DCTN1: variants seen among roughly 807,000 people sequenced by gnomAD.
DCTN1 encodes 150 kDa dynein-associated polypeptide.
DCTN1 carries 61 observed loss-of-function variants against 161.2 expected under a neutral mutation model. That is an observed-to-expected ratio of 0.38 (90% CI 0.31 to 0.47). DCTN1 has a LOEUF of 0.47. DCTN1 is among the 20% of genes least tolerant of loss of function. The pLI is 0.99. For missense variants in DCTN1, 1,404 were observed against 1,623.7 expected (o/e 0.86, Z 2.33); for synonymous variants, 653 against 632.4 (o/e 1.03, Z -0.49).
In DCTN1 at chr2:74,370,939, C is replaced by G; in HGVS notation, c.843+40G>C. On this transcript the variant is annotated intron_variant, in intron 9 of 31. Transcript: ENST00000628224. The surrounding 1 kb of genome is among the most constrained non-coding windows in gnomAD (Gnocchi z 4.4). ...TAGTTTCCAGCATGCTTCCTTAGGTCTCAGGCTGCCCCAGCCACCCCCTTC... is the reference window on the plus strand; with the variant it reads ...TAGTTTCCAGCATGCTTCCTTAGGTGTCAGGCTGCCCCAGCCACCCCCTTC... 6.2e-7 allele frequency: 1 copy of G among 1,613,206 alleles called. No homozygotes were observed.
Position 74,380,218 on chromosome 2 carries a change from T to G in DCTN1, c.-181A>C. On this transcript the variant is annotated 5_prime_UTR_variant, in exon 1 of 32. Coordinates refer to ENST00000628224, the MANE Select transcript of DCTN1 (RefSeq NM_004082.5). ...CCTACACGGGTAGGGGTGGGGGCAG[T>G]GATGGGGGCTGAGGAGCAAGTCCCC... 1.5e-6 allele frequency: 1 copy of G among 688,480 alleles called. No homozygotes were observed. The highest frequency in any genetic ancestry group is 2.6e-6 in the Non-Finnish European group (1 of 381,510). The allele number at this position is 688,480 out of a possible 1,614,324, so 42.6% of individuals were successfully genotyped here. A position where few individuals can be genotyped will look rare whatever the true frequency, so the allele number is the denominator to read the frequency against.
At chr2:74,379,433 G>A (rs1675407327) in intron 1 of DCTN1, among the ~76,000 whole-genome samples, 2 of 152,170 alleles carry the variant, frequency 1.3e-5, no homozygotes, top group Admixed American at 6.5e-5. Context: ...GCTCATCCAG[G>A]AAGGTGAGGA....
chr2:74,374,815 C>A, intron 5 of DCTN1: 1 of 947,052 alleles, frequency 1.1e-6, no homozygotes. Flanking sequence ...GCTTGTCCTG[C>A]TTCTTTCTCC....
intron 26 of DCTN1, 50 bp from the exon 27 acceptor site, chr2:74,363,678 T>TA: frequency 6.2e-7 from 1 of 1,611,342 alleles, no homozygotes; most frequent in African/African-American, 1.3e-5. Context: ...AGAGAGGAGT[T>TA]AGGTGATTTG....
rs1236101222 is a variant in DCTN1, at chr2:74,370,075, T to C, written c.1288-6A>G. 6.2e-7 allele frequency: 1 copy of C among 1,613,982 alleles called. No individual in the cohort carries two copies. The highest frequency in any genetic ancestry group is 8.5e-7 in the Non-Finnish European group (1 of 1,180,002). On this transcript the variant is annotated splice_polypyrimidine_tract_variant and splice_region_variant and intron_variant, in intron 12 of 31. Coordinates refer to ENST00000628224, the MANE Select transcript of DCTN1 (RefSeq NM_004082.5). The surrounding 1 kb of genome is among the most constrained non-coding windows in gnomAD (Gnocchi z 4.4). ...GCACCCAGAGCAGCATCCACCTGTG[T>C]TACGGGGAGGATAGGGAGAAGGGCT... is the stretch of plus-strand genomic sequence containing the variant.
intron 6 of DCTN1, among the ~76,000 whole-genome samples, chr2:74,373,619 C>T (rs1408715023): frequency 1.3e-5 from 2 of 152,194 alleles, no homozygotes; most frequent in Non-Finnish European, 2.9e-5. Flanking sequence ...GTAACCCCAC[C>T]CAGCTGTAGG....
At position 74,391,782 on chromosome 2, in the gene DCTN1, GCGCCTCCGTAC is replaced by G; in HGVS notation, c.-19+1_-19+11del. ...GGCGGAGCAGACGGTTGGCAGAGTC[GCGCCTCCGTAC>G]CTGCACTGTGAGGGGCTCCGCGCCC... On this transcript the variant is annotated splice_donor_variant and splice_donor_5th_base_variant and intron_variant, in intron 1 of 27. Transcript: ENST00000409240. LOFTEE classifies it low-confidence loss of function (5UTR_SPLICE). 1 of 453,616 alleles carries G rather than the reference GCGCCTCCGTAC, an allele frequency of 2.2e-6. No individual in the cohort carries two copies. Among genetic ancestry groups the G allele is most frequent in the East Asian group, 7.0e-5 (1 of 14,348 alleles). The allele number at this position is 453,616 out of a possible 1,614,324, so 28.1% of individuals were successfully genotyped here.
rs13429423 is a variant in DCTN1 at position 74,369,194 on chromosome 2, T to C, written c.1605A>G (p.Thr535=). Residue 535 remains threonine, a synonymous_variant, in exon 15 of 32, where the codon ACA becomes ACG. Transcript: ENST00000628224. The surrounding 1 kb of genome is among the most constrained non-coding windows in gnomAD (Gnocchi z 4.9). ...TCTCCACAGATGCTTCCTGCTGGTT[T>C]GTCAGTTCCCGATTCACATCCTAGG... ...AHLQDVNREL[T]NQQEASVERQ... 7.1e-3 allele frequency: 11,467 copies of C among 1,614,190 alleles called. 728 individuals are homozygous for C. In the African/African-American group the frequency reaches 0.13, roughly 19 times the overall value.
In DCTN1 at chr2:74,363,102, T is replaced by A; in HGVS notation, c.3421A>T (p.Ser1141Cys). The part of the protein sequence containing the change: ...VAKLSHEGPG[S>C]ELPAGALYRK... ...TACAGCGCTCCAGCTGGTAACTCAC[T>A]GCCAGGGCCCTCATGGGATAGCTTT... Residue 1141 changes from serine to cysteine, a missense_variant, in exon 29 of 32, where the codon AGT becomes TGT. Ser to Cys is a moderately radical substitution (Grantham distance 112). Transcript: ENST00000628224. 6.2e-7 allele frequency: 1 copy of A among 1,613,872 alleles called. No individual in the cohort carries two copies. The highest frequency in any genetic ancestry group is 8.5e-7 in the Non-Finnish European group (1 of 1,179,860).
chr2:74,380,462 C>G (rs1675466516), upstream of DCTN1: 1 of 479,098 alleles, frequency 2.1e-6, no homozygotes, highest in African/African-American at 2.0e-5. Context: ...GGGCTGGAAG[C>G]AGTCTTGACA....
intron 15 of DCTN1, 74 bp from the exon 16 acceptor site, chr2:74,368,954 T>C: frequency 1.9e-6 from 3 of 1,591,396 alleles, no homozygotes; most frequent in South Asian, 1.1e-5. Context: ...CTTGCTCCAG[T>C]AGATCCCTTG....
In DCTN1 at chr2:74,378,066, T is replaced by G. The variant is rs749593965; in HGVS notation, c.213A>C (p.Gly71=). The change falls in exon 2 of 32, where the codon GGA becomes GGC. Residue 71 remains glycine (G), a synonymous_variant. Transcript: ENST00000628224. ...TGAAGTACTTCCTGCCTTGAACAGT[T>G]CCATCATTTTTGCCCTTTGCTTCAT... ...ILDEAKGKND[G]TVQGRKYFTC... 22 of 1,614,144 alleles carry G rather than the reference T, an allele frequency of 1.4e-5. No homozygotes were observed. The East Asian group carries it at 4.7e-4, about 34-fold the overall frequency.
intron 24 of DCTN1, 31 bp downstream of exon 24, chr2:74,365,862 C>T (rs956441865): frequency 6.2e-7 from 1 of 1,614,076 alleles, no homozygotes; most frequent in Middle Eastern, 1.6e-4. Context: ...AATTTCCTGG[C>T]CCCCAGATCC....
chr2:74,366,086 C>A, intron 23 of DCTN1, 68 bp from the exon 24 acceptor site: 2 of 1,613,208 alleles, frequency 1.2e-6, no homozygotes. Flanking sequence ...GTGCTCCTTA[C>A]AGAGAGATCC....
intron 6 of DCTN1, 25 bp from the exon 7 acceptor site, chr2:74,372,973 GAGA>G: frequency 6.2e-7 from 1 of 1,613,152 alleles, no homozygotes; most frequent in Non-Finnish European, 8.5e-7. Context: ...GGAGCCAGAA[GAGA>G]AGTAGTCAGG....
intron 16 of DCTN1, 69 bp from the exon 17 acceptor site, chr2:74,368,200 G>T: frequency 6.5e-7 from 1 of 1,543,976 alleles, no homozygotes; most frequent in South Asian, 1.2e-5. Context: ...CAGGAATATA[G>T]TACTCAGAGC....
chr2:74,363,363 CAG>C lies in DCTN1; in HGVS notation c.3274_3275del (p.Leu1092AlafsTer18). ...TCATGGCAGAGATCTGCTGAAGCAGCAGTGGTGAGTCCTTCACCAGCCCTGGG... is the reference window on the plus strand; with the variant it reads ...TCATGGCAGAGATCTGCTGAAGCAGCTGGTGAGTCCTTCACCAGCCCTGGG... ...PGPGLVKDSPLLLQQISAMRL... is the reference protein window; with the variant it reads ...PGPGLVKDSPXLLQQISAMRL... On this transcript the variant is annotated frameshift_variant, in exon 28 of 32. Coordinates refer to ENST00000628224, the MANE Select transcript of DCTN1 (RefSeq NM_004082.5). LOFTEE classifies it high-confidence loss of function. The C allele has an allele frequency of 6.2e-7, 1 of 1,612,650 alleles. No individual in the cohort carries two copies. Among genetic ancestry groups the C allele is most frequent in the East Asian group, 2.2e-5 (1 of 44,836 alleles).
In DCTN1 at chr2:74,370,038, A is replaced by G; in HGVS notation, c.1319T>C (p.Val440Ala). ...CAGGTTCCGATCTGTCAGCATCTCCACCATCTCCTCAGCACCCAGAGCAGC... is the reference window on the plus strand; with the variant it reads ...CAGGTTCCGATCTGTCAGCATCTCCGCCATCTCCTCAGCACCCAGAGCAGC... ...VDAALGAEEMVEMLTDRNLNL... is the reference protein window; with the variant it reads ...VDAALGAEEMAEMLTDRNLNL... Residue 440 changes from valine (V) to alanine (A), a missense_variant, in exon 13 of 32, where the codon GTG becomes GCG. Transcript: ENST00000628224. This position sits in a 1 kb window ranked among gnomAD's most constrained non-coding sequence, Gnocchi z 4.4. The G allele has an allele frequency of 6.2e-7, 1 of 1,614,080 alleles. No homozygotes were observed.
At chr2:74,377,504 T>C (rs767516022) in intron 3 of DCTN1, 38 bp from the exon 4 acceptor site, 11 of 1,590,206 alleles carry the variant, frequency 6.9e-6, no homozygotes, top group Non-Finnish European at 9.5e-6. Flanking sequence ...TGTACTTGTA[T>C]AGAGAGGTAG....
Sources: allele counts gnomAD v4.1 joint callset (sites outside exome capture counted in the v4.1 genomes callset), GRCh38; gene constraint gnomAD v4.1.1; non-coding constraint Gnocchi (gnomAD v3.1); transcripts MANE v1.5; gene names NCBI Gene and HGNC (gene_info 2026-07-23, HGNC 2026-07-21).